The following CFAP77 variants were observed in gnomAD, a reference collection of about 807,000 sequenced individuals.
CFAP77 encodes cilia- and flagella-associated protein 77.
A neutral mutation model predicts 31.1 loss-of-function variants in CFAP77; 25 were observed. That is an observed-to-expected ratio of 0.80 (90% CI 0.59 to 1.12). CFAP77 has a LOEUF of 1.12. Among genes scored for constraint, CFAP77 ranks in the 50% most tolerant of loss-of-function variants. CFAP77 has a pLI of 0.00. For missense variants in CFAP77, 377 were observed against 397.3 expected (o/e 0.95, Z 0.44); for synonymous variants, 151 against 159.9 (o/e 0.94, Z 0.42).
intron 1 of CFAP77, among the ~76,000 whole-genome samples, chr9:132,434,725 G>A (rs185828594): frequency 5.9e-5 from 9 of 152,226 alleles, no homozygotes; most frequent in East Asian, 5.8e-4. Flanking sequence ...GCCCCCAAGC[G>A]CCCATGAGCA....
intron 1 of CFAP77, among the ~76,000 whole-genome samples, chr9:132,465,073 C>CAAAAAAAAAAAAA (rs773917029): frequency 3.6e-5 from 3 of 82,802 alleles, no homozygotes; most frequent in Admixed American, 1.5e-4. Context: ...GACTCTGTCT[C>CAAAAAAAAAAAAA]AAAAAAAAAA....
intron 1 of CFAP77, among the ~76,000 whole-genome samples, chr9:132,471,921 G>T (rs536815075): frequency 1.3e-5 from 2 of 152,118 alleles, no homozygotes; most frequent in South Asian, 4.2e-4. Flanking sequence ...TCACCATGTT[G>T]CCCAGGCTAG....
rs1203808604 is a variant in CFAP77 at position 132,552,416 on chromosome 9, C to G, written c.732+9369C>G. Among the ~76,000 whole-genome samples the G allele has an allele frequency of 1.3e-5, 2 of 152,136 alleles. No homozygotes were observed. Among genetic ancestry groups the G allele is most frequent in the Non-Finnish European group, 2.9e-5 (2 of 68,026 alleles). On this transcript the variant is annotated intron_variant, in intron 5 of 5. Transcript: ENST00000393216. This position sits in a 1 kb window ranked among gnomAD's most constrained non-coding sequence, Gnocchi z 5.5. ...TGTTTAAAATGCAGAGTCGAAGGCC[C>G]AGTGCGGTGGCTCATGCCTGTAATC...
At chr9:132,510,642 TG>T (rs1852020395) in intron 3 of CFAP77, among the ~76,000 whole-genome samples, 1 of 152,120 alleles carries the variant, frequency 6.6e-6, no homozygotes, top group Non-Finnish European at 1.5e-5. Context: ...CAGGAGGAGC[TG>T]CAGGCAGGCC....
At chr9:132,556,444 G>A (rs868013462) in intron 5 of CFAP77, among the ~76,000 whole-genome samples, 2 of 152,174 alleles carry the variant, frequency 1.3e-5, no homozygotes, top group Non-Finnish European at 2.9e-5. Flanking sequence ...CAGCTTGTCA[G>A]GGCCTTTGTT....
intron 1 of CFAP77, among the ~76,000 whole-genome samples, chr9:132,459,875 TGA>T (rs1237576643): frequency 2.6e-5 from 4 of 151,720 alleles, no homozygotes; most frequent in East Asian, 3.9e-4. Context: ...TGTGTATGTG[TGA>T]GTGTATGTGG....
intron 1 of CFAP77, among the ~76,000 whole-genome samples, chr9:132,411,734 T>A (rs990237285): frequency 5.9e-5 from 9 of 152,116 alleles, no homozygotes; most frequent in African/African-American, 2.2e-4. Flanking sequence ...GCATTAAGGT[T>A]AGGTCGTTGC....
chr9:132,517,758 C>G lies in CFAP77; in HGVS notation c.524+18158C>G, dbSNP rs1852172907. ...GCAAATCAGAGCTGTCAGCCCTCAT[C>G]CCCCGCACACACAAAGTGTCAGCCT... On this transcript the variant is annotated intron_variant, in intron 3 of 5. Transcript: ENST00000393216. The surrounding 1 kb of genome is among the most constrained non-coding windows in gnomAD (Gnocchi z 4.7). Among the ~76,000 whole-genome samples, 1 of 152,236 alleles carries G rather than the reference C, an allele frequency of 6.6e-6. No individual in the cohort carries two copies. The highest frequency in any genetic ancestry group is 2.1e-4 in the South Asian group (1 of 4,828).
At chr9:132,522,951 C>T (rs1023607613) in intron 3 of CFAP77, among the ~76,000 whole-genome samples, 2 of 152,152 alleles carry the variant, frequency 1.3e-5, no homozygotes, top group African/African-American at 4.8e-5. Context: ...TCCTTTTTTT[C>T]CTCTATTCTT....
intron 5 of CFAP77, among the ~76,000 whole-genome samples, chr9:132,568,198 C>T (rs1829910986): frequency 6.6e-6 from 1 of 152,172 alleles, no homozygotes. Flanking sequence ...GGTATAGTTT[C>T]ATTTACGCAA....
Position 132,529,507 on chromosome 9 carries a change from T to TAAAAAAACAAAAAAAAACA in CFAP77, c.525-8087_525-8086insCAAAAAAAAACAAAAAAAA, listed in dbSNP as rs1554748119. ...ATGTACCCTAAAACTTAGAGTATAA[T>TAAAAAAACAAAAAAAAACA]AAAAAAAAAAAACAAAAAAAAAACT... On this transcript the variant is annotated intron_variant, in intron 3 of 5. Coordinates refer to ENST00000393216, the MANE Select transcript of CFAP77 (RefSeq NM_001282957.2). Among the ~76,000 whole-genome samples the TAAAAAAACAAAAAAAAACA allele has an allele frequency of 2.3e-3, 247 of 108,810 alleles. 4 individuals are homozygous for TAAAAAAACAAAAAAAAACA. The highest frequency in any genetic ancestry group is 7.8e-3 in the African/African-American group (233 of 30,004). 71.4% of individuals were successfully genotyped at this position (108,810 alleles called of 152,430 possible).
At chr9:132,436,728 T>G (rs754731768) in intron 1 of CFAP77, among the ~76,000 whole-genome samples, 8 of 152,212 alleles carry the variant, frequency 5.3e-5, no homozygotes, top group Non-Finnish European at 1.2e-4. Context: ...GCTACGGCAA[T>G]TCAAAGTGAT....
At chr9:132,478,790 T>A (rs950201775) in intron 1 of CFAP77, among the ~76,000 whole-genome samples, 4 of 152,246 alleles carry the variant, frequency 2.6e-5, no homozygotes, top group African/African-American at 9.6e-5. Flanking sequence ...CTCCCTCTTT[T>A]CATCTAAAGA....
Position 132,553,753 on chromosome 9 carries a change from A to C in CFAP77, c.732+10706A>C, listed in dbSNP as rs543965475. ...GGACGGCCTAGGCTCCACGGTCTCCACCAGTCCATGCTGCATTCTCTACCT... is the reference window on the plus strand; with the variant it reads ...GGACGGCCTAGGCTCCACGGTCTCCCCCAGTCCATGCTGCATTCTCTACCT... On this transcript the variant is annotated intron_variant, in intron 5 of 5. Coordinates refer to ENST00000393216, the MANE Select transcript of CFAP77 (RefSeq NM_001282957.2). Among the ~76,000 whole-genome samples, 13 of 152,380 alleles carry C rather than the reference A, an allele frequency of 8.5e-5. 1 individual carries two copies. The South Asian group carries it at 2.7e-3, about 32-fold the overall frequency.
chr9:132,572,446 C>T lies in CFAP77; in HGVS notation c.791C>T (p.Ala264Val), dbSNP rs1463321245. ...TEADRQRALK[A>V]HREECAVRQG... is the part of the protein sequence containing the mutation. ...GCCGATCGCCAGAGAGCATTAAAAG[C>T]CCACCGGGAAGAGTGTGCCGTGCGC... The change falls in exon 6 of 6, where the codon GCC becomes GTC. Residue 264 changes from alanine to valine, a missense_variant. Physicochemically the swap from Ala to Val is moderately conservative, Grantham distance 64. Coordinates refer to ENST00000393216, the MANE Select transcript of CFAP77 (RefSeq NM_001282957.2). 2 of 1,612,522 alleles carry T rather than the reference C, an allele frequency of 1.2e-6. No homozygotes were observed. Among genetic ancestry groups the T allele is most frequent in the Admixed American group, 1.7e-5 (1 of 60,024 alleles).
At position 132,480,107 on chromosome 9, in the gene CFAP77, A is replaced by G. The variant is rs1185502954; in HGVS notation, c.196-18588A>G. On this transcript the variant is annotated intron_variant, in intron 1 of 5. Coordinates refer to ENST00000393216, the MANE Select transcript of CFAP77 (RefSeq NM_001282957.2). The surrounding 1 kb of genome is among the most constrained non-coding windows in gnomAD (Gnocchi z 5.8). ...CCGGCTCAGCCCCCTCATTTTGCAG[A>G]TGGGACCACTGAGGCCAGAGAAGAG... Among the ~76,000 whole-genome samples the G allele has an allele frequency of 6.6e-6, 1 of 152,144 alleles. No individual in the cohort carries two copies. Among genetic ancestry groups the G allele is most frequent in the Non-Finnish European group, 1.5e-5 (1 of 68,018 alleles).
chr9:132,430,776 A>T (rs1320807385), intron 1 of CFAP77, among the ~76,000 whole-genome samples: 1 of 152,148 alleles, frequency 6.6e-6, no homozygotes, highest in Admixed American at 6.5e-5. Flanking sequence ...CAGCCCTCCC[A>T]GAGATAACAT....
rs1187527147 is a variant in CFAP77 at position 132,455,551 on chromosome 9, G to A, written c.196-43144G>A. ...TCGAGACCAGCCTGGGCAACATGGC[G>A]AGACCCTATCTCTACTAAAAATACA... On this transcript the variant is annotated intron_variant, in intron 1 of 5. Coordinates refer to ENST00000393216, the MANE Select transcript of CFAP77 (RefSeq NM_001282957.2). The surrounding 1 kb of genome is among the most constrained non-coding windows in gnomAD (Gnocchi z 4.1). Among the ~76,000 whole-genome samples, 5 of 151,444 alleles carry A rather than the reference G, an allele frequency of 3.3e-5. No individual in the cohort carries two copies. Among genetic ancestry groups the A allele is most frequent in the African/African-American group, 1.2e-4 (5 of 41,252 alleles).
chr9:132,535,478 G>A (rs1382395626), intron 3 of CFAP77, among the ~76,000 whole-genome samples: 2 of 152,120 alleles, frequency 1.3e-5, no homozygotes, highest in African/African-American at 2.4e-5. Flanking sequence ...TTAGGAGGCC[G>A]AGGTGGGCAG....
Sources: allele counts gnomAD v4.1 joint callset (sites outside exome capture counted in the v4.1 genomes callset), GRCh38; gene constraint gnomAD v4.1.1; non-coding constraint Gnocchi (gnomAD v3.1); transcripts MANE v1.5; gene names NCBI Gene and HGNC (gene_info 2026-07-23, HGNC 2026-07-21).